The following CDH18 variants were observed in gnomAD, a reference collection of about 807,000 sequenced individuals.
CDH18 encodes the protein cadherin 18, also known as cadherin-18.
Under a neutral mutation model 67.9 loss-of-function variants are expected in CDH18, and 31 were observed. That is an observed-to-expected ratio of 0.46 (90% CI 0.34 to 0.62). The LOEUF is 0.62. CDH18 is among the 20% of genes least tolerant of loss of function. CDH18 has a pLI of 0.01. For missense variants in CDH18, 890 were observed against 975.5 expected, an observed-to-expected ratio of 0.91 and a Z score of 1.17; for synonymous variants, 362 against 347.2, an observed-to-expected ratio of 1.04 and a Z score of -0.48.
intron 3 of CDH18, among the ~76,000 whole-genome samples, chr5:19,771,878 T>C (rs1773773912): frequency 6.6e-6 from 1 of 152,186 alleles, no homozygotes; most frequent in African/African-American, 2.4e-5. Context: ...CTTTACTTCA[T>C]TTGGGACAGT....
intron 1 of CDH18, among the ~76,000 whole-genome samples, chr5:20,328,451 A>T (rs1738819047): frequency 6.7e-6 from 1 of 148,182 alleles, no homozygotes; most frequent in Non-Finnish European, 1.5e-5. Context: ...GTTGTGCTTT[A>T]TTGAGGTGTT....
chr5:19,616,599 A>T (rs542184210), intron 5 of CDH18, among the ~76,000 whole-genome samples: 1 of 152,254 alleles, frequency 6.6e-6, no homozygotes, highest in Non-Finnish European at 1.5e-5. Context: ...AATTATCCTG[A>T]AGTTTCCTCA....
At chr5:20,087,886 G>C (rs1745109545) in intron 2 of CDH18, among the ~76,000 whole-genome samples, 1 of 152,068 alleles carries the variant, frequency 6.6e-6, no homozygotes, top group South Asian at 2.1e-4. Flanking sequence ...ACAAACTCCT[G>C]TAACAAGATG....
chr5:20,479,469 G>C (rs1455001903), intron 1 of CDH18, among the ~76,000 whole-genome samples: 1 of 152,040 alleles, frequency 6.6e-6, no homozygotes, highest in Non-Finnish European at 1.5e-5. Context: ...GAAAAACTTA[G>C]TTGACATACT....
At chr5:19,631,640 A>T (rs1561506384) in intron 5 of CDH18, among the ~76,000 whole-genome samples, 2 of 149,198 alleles carry the variant, frequency 1.3e-5, no homozygotes, top group Non-Finnish European at 3.0e-5. Flanking sequence ...AAATTAATTT[A>T]TAAAAATTAA....
chr5:20,472,721 C>G (rs934318472), intron 1 of CDH18, among the ~76,000 whole-genome samples: 2 of 152,124 alleles, frequency 1.3e-5, no homozygotes. Flanking sequence ...GATTCAATGA[C>G]GATGCCTGAG....
At chr5:20,545,601 C>A (rs1007931626) in intron 1 of CDH18, among the ~76,000 whole-genome samples, 10 of 152,212 alleles carry the variant, frequency 6.6e-5, no homozygotes, top group Non-Finnish European at 1.0e-4. Flanking sequence ...TTAGCCACTG[C>A]TGGAGCTAGA....
intron 1 of CDH18, among the ~76,000 whole-genome samples, chr5:20,371,677 A>G (rs1743012618): frequency 1.3e-5 from 2 of 152,350 alleles, no homozygotes; most frequent in South Asian, 2.1e-4. Flanking sequence ...GAACGTTCAC[A>G]TGCTAATGAA....
At chr5:19,846,173 TCCACAGTATCA>T (rs1486291862) in intron 2 of CDH18, among the ~76,000 whole-genome samples, 2 of 152,024 alleles carry the variant, frequency 1.3e-5, no homozygotes, top group African/African-American at 4.8e-5. Context: ...TCATGTGTCT[TCCACAGTATCA>T]TTTTTTGTGC....
intron 1 of CDH18, among the ~76,000 whole-genome samples, chr5:20,467,839 C>A (rs182105828): frequency 6.6e-6 from 1 of 151,984 alleles, no homozygotes; most frequent in Admixed American, 6.6e-5. Context: ...AAAAGCAAGG[C>A]GGTGATGGCT....
At chr5:19,589,445 A>G (rs1744733092) in intron 7 of CDH18, among the ~76,000 whole-genome samples, 1 of 152,082 alleles carries the variant, frequency 6.6e-6, no homozygotes, top group Non-Finnish European at 1.5e-5. Context: ...AATTATTTTG[A>G]GTAAAGAAGT....
At chr5:19,555,237 C>A (rs1300461774) in intron 8 of CDH18, among the ~76,000 whole-genome samples, 1 of 152,124 alleles carries the variant, frequency 6.6e-6, no homozygotes, top group African/African-American at 2.4e-5. Context: ...CCAAGAACTA[C>A]CACAGGAACA....
At chr5:20,286,102 T>C (rs1214291243) in intron 1 of CDH18, among the ~76,000 whole-genome samples, 1 of 151,540 alleles carries the variant, frequency 6.6e-6, no homozygotes, top group African/African-American at 2.4e-5. Flanking sequence ...AAATAGATAA[T>C]GGATAATTCT....
chr5:20,526,521 G>A (rs139070645), intron 1 of CDH18, among the ~76,000 whole-genome samples: 1 of 152,070 alleles, frequency 6.6e-6, no homozygotes, highest in Admixed American at 6.5e-5. Context: ...GCTGGCACTA[G>A]GTCAGTGCCC....
intron 9 of CDH18, among the ~76,000 whole-genome samples, chr5:19,529,438 T>C (rs1182609206): frequency 2.0e-5 from 3 of 152,020 alleles, no homozygotes; most frequent in African/African-American, 7.2e-5. Context: ...ATATATGCTC[T>C]CAGAACTTCT....
intron 5 of CDH18, among the ~76,000 whole-genome samples, chr5:19,630,098 G>T (rs60986281): frequency 6.6e-6 from 1 of 151,752 alleles, no homozygotes; most frequent in Non-Finnish European, 1.5e-5. Context: ...CACCATGACC[G>T]GCTAATTTGT....
intron 8 of CDH18, among the ~76,000 whole-genome samples, chr5:19,544,208 AATTCAAAGAAT>A (rs1735915624): frequency 6.6e-6 from 1 of 152,162 alleles, no homozygotes; most frequent in South Asian, 2.1e-4. Flanking sequence ...TTCAATTACT[AATTCAAAGAAT>A]AATTTTATAA....
intron 10 of CDH18, among the ~76,000 whole-genome samples, chr5:19,512,274 A>G (rs1017959444): frequency 6.6e-6 from 1 of 152,184 alleles, no homozygotes; most frequent in East Asian, 1.9e-4. Context: ...TACAATCTAT[A>G]TGCTTATTTA....
chr5:20,071,382 A>AAC (rs960787521), intron 2 of CDH18, among the ~76,000 whole-genome samples: 7 of 152,044 alleles, frequency 4.6e-5, no homozygotes, highest in African/African-American at 1.7e-4. Flanking sequence ...ACACAAGCTA[A>AAC]ACACAGGGCA....
Sources: gnomAD v4.1 joint callset for allele counts (sites outside exome capture counted in the v4.1 genomes callset) on GRCh38, gnomAD v4.1.1 for gene constraint, MANE v1.5 for transcripts, NCBI Gene and HGNC (gene_info 2026-07-23, HGNC 2026-07-21) for gene names.